Variants in TCP11L1 observed in about 807,000 individuals in gnomAD.
The protein encoded by TCP11L1 is T-complex protein 11-like protein 1.
In TCP11L1, 28 loss-of-function variants were observed where a neutral mutation model predicts 48.9. That is an observed-to-expected ratio of 0.57 (90% confidence interval 0.42 to 0.78). TCP11L1 has a LOEUF of 0.78. Among genes scored for constraint, TCP11L1 ranks in the 30% least tolerant of loss-of-function variants. The pLI is 0.00. For missense variants in TCP11L1, 505 were observed against 613.4 expected (o/e 0.82, Z 1.87); for synonymous variants, 204 against 231.9 (o/e 0.88, Z 1.09).
chr11:33,065,542 C>T (rs1854589274), intron 7 of TCP11L1, among the ~76,000 whole-genome samples: 2 of 152,202 alleles, frequency 1.3e-5, no homozygotes, highest in African/African-American at 4.8e-5. Flanking sequence ...GGATTACAGG[C>T]GTGAGCCACC....
rs1305754700 is a variant in TCP11L1, at chr11:33,061,661, G to T, written c.907G>T (p.Ala303Ser). 3.7e-6 allele frequency: 6 copies of T among 1,612,352 alleles called. No homozygotes were observed. The highest frequency in any genetic ancestry group is 1.3e-5 in the African/African-American group (1 of 74,902). ...GGACATGCCCAGGCTGAGCCCTGTT[G>T]CTGTCCAGAATTACGCTTACCTGAA... ...SGDMPRLSPVAVQNYAYLKLL... is the reference protein window; with the variant it reads ...SGDMPRLSPVSVQNYAYLKLL... The change falls in exon 7 of 10, where the codon GCT (alanine) becomes TCT (serine). Residue 303 changes from alanine (A) to serine (S), a missense_variant. Coordinates refer to ENST00000334274, the MANE Select transcript of TCP11L1 (RefSeq NM_018393.4).
chr11:33,062,746 C>T (rs1854503833), intron 7 of TCP11L1, among the ~76,000 whole-genome samples: 1 of 152,240 alleles, frequency 6.6e-6, no homozygotes, highest in Admixed American at 6.5e-5. Context: ...AATCCGGGTA[C>T]TTAATATGAG....
chr11:33,055,998 A>G (rs896118108), intron 3 of TCP11L1, among the ~76,000 whole-genome samples: 1 of 152,074 alleles, frequency 6.6e-6, no homozygotes, highest in African/African-American at 2.4e-5. Flanking sequence ...TTGTATTTGT[A>G]GTAGAGACAG....
chr11:33,057,305 C>T (rs1233597076), intron 4 of TCP11L1, 70 bp downstream of exon 4: 4 of 1,593,550 alleles, frequency 2.5e-6, no homozygotes, highest in African/African-American at 1.3e-5. Flanking sequence ...CTTGTGTCAC[C>T]ACCAGAAGAC....
intron 8 of TCP11L1, among the ~76,000 whole-genome samples, chr11:33,066,970 C>A (rs116467051): frequency 0.011 from 1,427 of 125,142 alleles, 29 homozygotes; most frequent in African/African-American, 0.042. Context: ...TATTCTTATT[C>A]CATTAAAAAA....
intron 2 of TCP11L1, among the ~76,000 whole-genome samples, chr11:33,047,296 T>C (rs894331539): frequency 4.5e-4 from 68 of 152,088 alleles, no homozygotes; most frequent in African/African-American, 1.4e-3. Flanking sequence ...TGTAAAAAAT[T>C]TATTGGTACT....
chr11:33,053,144 C>CT (rs10715921), intron 2 of TCP11L1, among the ~76,000 whole-genome samples: 20,031 of 116,154 alleles, frequency 0.17, 2,016 homozygotes, highest in Middle Eastern at 0.24. Context: ...CTATCAGAGA[C>CT]TTTTTTTTTT....
rs184808276 is a variant in TCP11L1, at chr11:33,044,057, A to G, written c.163+121A>G. On this transcript the variant is annotated intron_variant, in intron 2 of 9. Coordinates refer to ENST00000334274, the MANE Select transcript of TCP11L1 (RefSeq NM_018393.4). ...TCTAATAATATAACATTGCCAATGT[A>G]GCATTTAGGAATAATAGCAGTTCCT... 330 of 1,021,048 alleles carry G rather than the reference A, an allele frequency of 3.2e-4. 3 individuals carry two copies. The African/African-American group carries it at 5.1e-3, about 16-fold the overall frequency. The allele number at this position is 1,021,048 out of a possible 1,614,324, so 63.2% of individuals were successfully genotyped here.
chr11:33,044,160 T>G, intron 2 of TCP11L1: 2 of 405,228 alleles, frequency 4.9e-6, no homozygotes. Context: ...AGAACGTTCC[T>G]GTCTTTCTCC....
At chr11:33,045,727 G>A (rs974534261) in intron 2 of TCP11L1, among the ~76,000 whole-genome samples, 1 of 152,118 alleles carries the variant, frequency 6.6e-6, no homozygotes, top group Non-Finnish European at 1.5e-5. Context: ...TCAAAAGAAT[G>A]AAAAAGACAA....
At position 33,068,696 on chromosome 11, in the gene TCP11L1, TC is replaced by T. The variant is rs781050076; in HGVS notation, c.1165del (p.Leu389Ter). 1.9e-5 allele frequency: 31 copies of T among 1,613,860 alleles called. No homozygotes were observed. Among genetic ancestry groups the T allele is most frequent in the Non-Finnish European group, 1.7e-6 (2 of 1,179,910 alleles). On this transcript the variant is annotated frameshift_variant, in exon 9 of 10. Coordinates refer to ENST00000334274, the MANE Select transcript of TCP11L1 (RefSeq NM_018393.4). LOFTEE classifies it high-confidence loss of function. ...LTDMHLPSFH[L>X]KDVLTTIGEK... ...CCCTCCTCTGCCCCAGCTCCTTCCA[TC>T]TGAAGGACGTCCTCACTACCATCGG... is the stretch of plus-strand genomic sequence containing the variant.
rs1249741788 is a variant in TCP11L1, at chr11:33,057,919, ACT to A, written c.423_424del (p.Leu142IlefsTer9). ...TAAACGTAGCTGTGTTCTCTTGTAG[ACT>A]CTCTTATCTTTCTTGCTGCCTGGTC... ...AIKLVGEIKE[T>X]LLSFLLPGHT... On this transcript the variant is annotated frameshift_variant and splice_region_variant, in exon 5 of 10. Transcript: ENST00000334274. LOFTEE classifies it high-confidence loss of function. 1.2e-6 allele frequency: 2 copies of A among 1,610,468 alleles called. No individual in the cohort carries two copies. The highest frequency in any genetic ancestry group is 8.5e-7 in the Non-Finnish European group (1 of 1,179,134).
chr11:33,043,985 G>A (rs1195409703), intron 2 of TCP11L1, 49 bp downstream of exon 2: 2 of 1,526,848 alleles, frequency 1.3e-6, no homozygotes, highest in Admixed American at 2.2e-5. Context: ...TTGTTTTCAG[G>A]TGACGGTTTT....
intron 2 of TCP11L1, among the ~76,000 whole-genome samples, chr11:33,045,976 A>C (rs949753133): frequency 2.6e-5 from 4 of 152,280 alleles, no homozygotes; most frequent in Non-Finnish European, 4.4e-5. Context: ...AACATGTTCT[A>C]GTTTAAGATA....
At chr11:33,045,387 G>A (rs1039139788) in intron 2 of TCP11L1, among the ~76,000 whole-genome samples, 2 of 150,904 alleles carry the variant, frequency 1.3e-5, no homozygotes, top group Non-Finnish European at 2.9e-5. Context: ...GAGCATGCAC[G>A]TGGTTGTAGT....
chr11:33,066,279 C>T (rs181828388), intron 8 of TCP11L1, among the ~76,000 whole-genome samples: 44 of 152,276 alleles, frequency 2.9e-4, no homozygotes, highest in African/African-American at 9.9e-4. Flanking sequence ...AGTAGCCTGT[C>T]GGGCCTTAGA....
intron 4 of TCP11L1, 39 bp downstream of exon 4, chr11:33,057,274 T>C: frequency 6.2e-7 from 1 of 1,612,568 alleles, no homozygotes. Context: ...TTCTGGTGTG[T>C]TAGGAGTGTT....
chr11:33,060,051 A>T (rs913035548), intron 6 of TCP11L1, among the ~76,000 whole-genome samples: 4 of 152,098 alleles, frequency 2.6e-5, no homozygotes, highest in African/African-American at 9.7e-5. Flanking sequence ...TGGATTGACC[A>T]CAAGCTCACA....
chr11:33,060,208 T>A (rs1854429213), intron 6 of TCP11L1, among the ~76,000 whole-genome samples: 1 of 151,916 alleles, frequency 6.6e-6, no homozygotes, highest in South Asian at 2.1e-4. Context: ...TAGGCAGAGT[T>A]TTGTAGCCTG....
Sources: allele counts gnomAD v4.1 joint callset (sites outside exome capture counted in the v4.1 genomes callset), GRCh38; gene constraint gnomAD v4.1.1; transcripts MANE v1.5; gene names NCBI Gene and HGNC (gene_info 2026-07-23, HGNC 2026-07-21).